SPAG1: variants seen among roughly 807,000 people sequenced by gnomAD.
The protein encoded by SPAG1 is sperm-associated antigen 1.
Under a neutral mutation model 100.5 loss-of-function variants are expected in SPAG1, and 69 were observed. That is an observed-to-expected ratio of 0.69 (90% CI 0.57 to 0.84). The LOEUF (loss-of-function observed/expected upper bound fraction) is 0.84, where lower values mean the gene tolerates loss of function less well. Among genes scored for constraint, SPAG1 ranks in the 40% least tolerant of loss-of-function variants. The probability of loss-of-function intolerance (pLI) is 0.00; values close to 1 mark genes in which losing one functional copy is unlikely to be tolerated. For missense variants in SPAG1, 955 were observed against 1,133.1 expected, an observed-to-expected ratio of 0.84 and a Z score of 2.26; for synonymous variants, 336 against 411.6, an observed-to-expected ratio of 0.82 and a Z score of 2.22.
chr8:100,180,102 C>T (rs949269092), intron 4 of SPAG1, among the ~76,000 whole-genome samples: 2 of 152,100 alleles, frequency 1.3e-5, no homozygotes, highest in Non-Finnish European at 2.9e-5. Flanking sequence ...GAGGCCAAGG[C>T]GGGTGGATCA....
intron 16 of SPAG1, among the ~76,000 whole-genome samples, chr8:100,238,066 T>G (rs1008919692): frequency 1.3e-5 from 2 of 152,188 alleles, no homozygotes; most frequent in African/African-American, 4.8e-5. Context: ...TGTAAAATGC[T>G]TAGAATGGTA....
At chr8:100,168,095 A>C (rs946711050) in intron 3 of SPAG1, among the ~76,000 whole-genome samples, 3 of 152,228 alleles carry the variant, frequency 2.0e-5, no homozygotes, top group African/African-American at 7.2e-5. Flanking sequence ...TAAAACCTAG[A>C]TAATACTGAG....
In SPAG1 at chr8:100,162,340, T is replaced by G. The variant is rs768355547; in HGVS notation, c.60T>G (p.Ile20Met). 1.0e-5 allele frequency: 16 copies of G among 1,603,556 alleles called. No homozygotes were observed. The Admixed American group carries it at 1.4e-4, about 14-fold the overall frequency. ...WGFGTTKTFK[I>M]PIEHLDFKYI... is the part of the protein sequence containing the mutation. ...TTGGAACAACAAAAACATTCAAAAT[T>G]CCCATTGAACATCTAGATTTCAAAT... Residue 20 changes from isoleucine to methionine, a missense_variant, in exon 2 of 19, where the codon ATT (isoleucine) becomes ATG (methionine). Transcript: ENST00000388798.
chr8:100,223,401 T>G (rs966448019), intron 13 of SPAG1, among the ~76,000 whole-genome samples: 2 of 152,216 alleles, frequency 1.3e-5, no homozygotes, highest in African/African-American at 4.8e-5. Context: ...CTGAGTCATT[T>G]TTTTTAATTG....
chr8:100,240,355 G>C (rs770357831), intron 17 of SPAG1, 48 bp from the exon 18 acceptor site: 2 of 1,527,468 alleles, frequency 1.3e-6, no homozygotes, highest in Non-Finnish European at 1.8e-6. Context: ...GGATGTATGT[G>C]GTGATTGTGG....
intron 10 of SPAG1, among the ~76,000 whole-genome samples, chr8:100,199,486 C>A (rs1441226867): frequency 6.6e-6 from 1 of 152,122 alleles, no homozygotes; most frequent in East Asian, 1.9e-4. Context: ...ACTCTTGTTG[C>A]CCAGGCTGGA....
At chr8:100,201,189 C>T (rs1439223566) in intron 10 of SPAG1, among the ~76,000 whole-genome samples, 1 of 152,076 alleles carries the variant, frequency 6.6e-6, no homozygotes, top group Non-Finnish European at 1.5e-5. Flanking sequence ...ACAATCATAG[C>T]TCACTGCAGC....
At chr8:100,175,389 ATT>A (rs1816066477) in intron 3 of SPAG1, among the ~76,000 whole-genome samples, 1 of 147,810 alleles carries the variant, frequency 6.8e-6, no homozygotes, top group African/African-American at 2.5e-5. Context: ...AGTTCACACC[ATT>A]CTCCTGCCTC....
intron 4 of SPAG1, 148 bp from the exon 5 acceptor site, chr8:100,183,227 C>A (rs960859847): frequency 5.5e-5 from 24 of 438,636 alleles, no homozygotes; most frequent in Middle Eastern, 6.3e-4. Context: ...TCCACCTCAG[C>A]CTCCCAAAGT....
chr8:100,210,175 A>C (rs1324577657), intron 10 of SPAG1, among the ~76,000 whole-genome samples: 1 of 147,200 alleles, frequency 6.8e-6, no homozygotes, highest in African/African-American at 2.5e-5. Flanking sequence ...TTTCACTTCT[A>C]TTCCTAGTTT....
At chr8:100,180,170 AT>A (rs112163846) in intron 4 of SPAG1, among the ~76,000 whole-genome samples, 40 of 147,594 alleles carry the variant, frequency 2.7e-4, no homozygotes, top group East Asian at 3.9e-4. Context: ...TCTACAAAAC[AT>A]TTTTTTTTTT....
At chr8:100,183,889 A>G in intron 5 of SPAG1, 67 bp from the exon 6 acceptor site, 1 of 744,504 alleles carries the variant, frequency 1.3e-6, no homozygotes, top group Non-Finnish European at 2.3e-6. Flanking sequence ...ATATAAGAAT[A>G]TCAATGATAA....
In SPAG1 at chr8:100,237,615, G is replaced by A. The variant is rs189839476; in HGVS notation, c.2116-1625G>A. Among the ~76,000 whole-genome samples the A allele has an allele frequency of 4.6e-5, 7 of 152,072 alleles. No individual in the cohort carries two copies. The East Asian group carries it at 1.4e-3, about 29-fold the overall frequency. ...TCTGTCTTTCTTTGTCTTTTCCGTG[G>A]TCCTCTTAGCTCCTGGCACATGGAC... On this transcript the variant is annotated intron_variant, in intron 16 of 18. Transcript: ENST00000388798.
intron 10 of SPAG1, among the ~76,000 whole-genome samples, chr8:100,202,366 C>CA (rs1004641220): frequency 4.0e-5 from 6 of 150,920 alleles, no homozygotes; most frequent in African/African-American, 7.3e-5. Context: ...AAAAACAAAA[C>CA]AAAAAAACCT....
At chr8:100,216,769 A>G (rs1818006638) in intron 12 of SPAG1, among the ~76,000 whole-genome samples, 1 of 152,166 alleles carries the variant, frequency 6.6e-6, no homozygotes, top group South Asian at 2.1e-4. Flanking sequence ...TCTTGTTTTA[A>G]TGCCAGAGAA....
Position 100,225,196 on chromosome 8 carries a change from T to C in SPAG1, c.1712T>C (p.Leu571Pro), listed in dbSNP as rs1818452552. Residue 571 changes from leucine to proline, a missense_variant, in exon 14 of 19, where the codon CTG becomes CCG. Coordinates refer to ENST00000388798, the MANE Select transcript of SPAG1 (RefSeq NM_003114.5). ...AGGCTATCAAGAATTTTAATGGAGC[T>C]GGATGGACCAAATTGGCGGGAGAAG... Reference protein sequence around the residue: ...VNRLSRILMELDGPNWREKLS... With the variant: ...VNRLSRILMEPDGPNWREKLS... 1 of 1,613,962 alleles carries C rather than the reference T, an allele frequency of 6.2e-7. No homozygotes were observed.
intron 7 of SPAG1, among the ~76,000 whole-genome samples, chr8:100,186,052 G>C (rs1312001221): frequency 6.8e-6 from 1 of 146,946 alleles, no homozygotes; most frequent in Non-Finnish European, 1.5e-5. Flanking sequence ...TCTGACCTTG[G>C]GCAGATTCTT....
intron 10 of SPAG1, among the ~76,000 whole-genome samples, chr8:100,207,813 A>C (rs1249040366): frequency 6.6e-6 from 1 of 152,182 alleles, no homozygotes; most frequent in East Asian, 1.9e-4. Context: ...CATGGAATTC[A>C]CTGGTCTTAC....
At chr8:100,217,272 A>G (rs1818039665) in intron 12 of SPAG1, among the ~76,000 whole-genome samples, 1 of 152,160 alleles carries the variant, frequency 6.6e-6, no homozygotes. Context: ...AAGTGGTATC[A>G]GGAGTCAAAC....
Sources: allele counts gnomAD v4.1 joint callset (sites outside exome capture counted in the v4.1 genomes callset), GRCh38; gene constraint gnomAD v4.1.1; transcripts MANE v1.5; gene names NCBI Gene and HGNC (gene_info 2026-07-23, HGNC 2026-07-21).